The following MACROD2 variants were observed in gnomAD, a reference collection of about 807,000 sequenced individuals.
MACROD2 encodes the protein ADP-ribose glycohydrolase MACROD2.
MACROD2 carries 36 observed loss-of-function variants against 70.4 expected under a neutral mutation model. The ratio of observed to expected loss-of-function variants is 0.51; its 90% confidence interval spans 0.39 to 0.68. MACROD2 has a LOEUF of 0.68. Among genes scored for constraint, MACROD2 ranks in the 30% least tolerant of loss-of-function variants. The pLI, the probability that MACROD2 is intolerant of heterozygous loss-of-function variation, is 0.00. For synonymous variants in MACROD2, 172 were observed against 178.8 expected (o/e 0.96, Z 0.30); for missense variants, 496 against 538.4 (o/e 0.92, Z 0.78).
At chr20:15,779,791 C>T (rs6135510) in intron 8 of MACROD2, among the ~76,000 whole-genome samples, 5,787 of 152,114 alleles carry the variant, frequency 0.038, 363 homozygotes, top group East Asian at 0.29. Context: ...TTGTAGAAAA[C>T]ACAACCAAGA....
intron 3 of MACROD2, among the ~76,000 whole-genome samples, chr20:14,422,593 T>C (rs1440345989): frequency 6.6e-6 from 1 of 152,172 alleles, no homozygotes; most frequent in Admixed American, 6.5e-5. Context: ...TTTTTGTGGT[T>C]ACTCTCAGGG....
chr20:14,738,028 A>G (rs2071688325), intron 5 of MACROD2, among the ~76,000 whole-genome samples: 1 of 151,126 alleles, frequency 6.6e-6, no homozygotes, highest in Non-Finnish European at 1.5e-5. Flanking sequence ...AATAGTTGCT[A>G]TATACATATT....
chr20:15,598,637 G>T (rs2078388342), intron 8 of MACROD2, among the ~76,000 whole-genome samples: 2 of 152,202 alleles, frequency 1.3e-5, no homozygotes, highest in African/African-American at 4.8e-5. Context: ...AGGAGAATAG[G>T]GTTGGGTCAG....
intron 13 of MACROD2, among the ~76,000 whole-genome samples, chr20:15,970,449 A>G (rs935135297): frequency 6.6e-6 from 1 of 152,132 alleles, no homozygotes; most frequent in Admixed American, 6.5e-5. Flanking sequence ...TTCCATTAAG[A>G]TGAAGAGTAA....
At chr20:14,119,158 G>GTT (rs1569166583) in intron 3 of MACROD2, among the ~76,000 whole-genome samples, 1 of 80,766 alleles carries the variant, frequency 1.2e-5, no homozygotes, top group Non-Finnish European at 2.6e-5. Flanking sequence ...AAATGACTGT[G>GTT]ATTTTTTTTT....
rs563982614 is a variant in MACROD2 at position 14,975,060 on chromosome 20, G to A, written c.419-254880G>A. Among the ~76,000 whole-genome samples the A allele has an allele frequency of 7.9e-5, 12 of 152,000 alleles. No homozygotes were observed. In the South Asian group the frequency reaches 1.0e-3, roughly 13 times the overall value. On this transcript the variant is annotated intron_variant, in intron 5 of 17. Coordinates refer to ENST00000684519, the MANE Select transcript of MACROD2 (RefSeq NM_001351661.2). ...ATACATTGTAGGATGCTTATTTAGGGGCATCCTTGGCCTCTACACACTAGA... is the reference window on the plus strand; with the variant it reads ...ATACATTGTAGGATGCTTATTTAGGAGCATCCTTGGCCTCTACACACTAGA...
At chr20:15,663,943 T>A (rs895161000) in intron 8 of MACROD2, among the ~76,000 whole-genome samples, 1 of 152,206 alleles carries the variant, frequency 6.6e-6, no homozygotes, top group Non-Finnish European at 1.5e-5. Context: ...TGTATAATGA[T>A]AGCTCCACAG....
intron 3 of MACROD2, among the ~76,000 whole-genome samples, chr20:14,205,108 A>G (rs934238652): frequency 2.6e-5 from 4 of 152,208 alleles, no homozygotes; most frequent in African/African-American, 9.6e-5. Context: ...CTGGAACAGG[A>G]ACCCTGATTG....
chr20:14,009,271 C>G (rs536370871), intron 2 of MACROD2, among the ~76,000 whole-genome samples: 1 of 152,024 alleles, frequency 6.6e-6, no homozygotes, highest in Non-Finnish European at 1.5e-5. Flanking sequence ...AAGAAAAAAC[C>G]AAACAACCCC....
At chr20:15,643,009 C>G (rs1265228397) in intron 8 of MACROD2, among the ~76,000 whole-genome samples, 1 of 152,170 alleles carries the variant, frequency 6.6e-6, no homozygotes, top group Non-Finnish European at 1.5e-5. Flanking sequence ...GAATATTTAT[C>G]CACTTTGCTT....
At chr20:14,383,227 A>G (rs751463750) in intron 3 of MACROD2, among the ~76,000 whole-genome samples, 2 of 152,192 alleles carry the variant, frequency 1.3e-5, no homozygotes. Context: ...TGCACTTGTC[A>G]TTTTATAGAA....
rs181166281 is a variant in MACROD2 at position 14,337,764 on chromosome 20, C to T, written c.272-155715C>T. 578 of 386,794 alleles carry T rather than the reference C, an allele frequency of 1.5e-3. 8 individuals are homozygous for T. The highest frequency in any genetic ancestry group is 8.5e-4 in the African/African-American group (41 of 48,438). The allele number at this position is 386,794 out of a possible 1,614,324, so 24.0% of individuals were successfully genotyped here. On this transcript the variant is annotated intron_variant, in intron 3 of 17. Coordinates refer to ENST00000684519, the MANE Select transcript of MACROD2 (RefSeq NM_001351661.2). ...TGAGCTTTGCAAACGCTAGAGGGGG[C>T]GAGAGCAGCCAAAATGAAGCATCAG...
chr20:14,392,184 T>C (rs941674151), intron 3 of MACROD2, among the ~76,000 whole-genome samples: 9 of 152,166 alleles, frequency 5.9e-5, no homozygotes, highest in African/African-American at 2.2e-4. Context: ...ATAATTGAAC[T>C]TGATATATTT....
At chr20:14,230,217 T>C (rs1437425588) in intron 3 of MACROD2, among the ~76,000 whole-genome samples, 1 of 152,140 alleles carries the variant, frequency 6.6e-6, no homozygotes, top group Non-Finnish European at 1.5e-5. Context: ...GGTTAACTTA[T>C]CCTTTCAATT....
chr20:14,293,714 G>A lies in MACROD2; in HGVS notation c.272-199765G>A, dbSNP rs62207587. On this transcript the variant is annotated intron_variant, in intron 3 of 17. Transcript: ENST00000684519. ...AGGTTTTTAAGGCAGCATTTTGGCA[G>A]ATGTGTGATAGTCCAGCAAAGAGAT... is the stretch of plus-strand genomic sequence containing the variant. Among the ~76,000 whole-genome samples the A allele has an allele frequency of 4.0e-5, 6 of 151,898 alleles. No individual in the cohort carries two copies. In the South Asian group the frequency reaches 6.2e-4, roughly 16 times the overall value.
At chr20:14,675,953 G>A (rs558475038) in intron 4 of MACROD2, among the ~76,000 whole-genome samples, 1 of 152,046 alleles carries the variant, frequency 6.6e-6, no homozygotes, top group East Asian at 1.9e-4. Context: ...AAAAGACAAA[G>A]GCATTACATA....
At chr20:15,079,109 T>C (rs1445243392) in intron 5 of MACROD2, among the ~76,000 whole-genome samples, 1 of 152,204 alleles carries the variant, frequency 6.6e-6, no homozygotes, top group Non-Finnish European at 1.5e-5. Context: ...TTGCAGACTA[T>C]TTTTCCTTCT....
chr20:14,017,351 A>G (rs1334613379), intron 2 of MACROD2, among the ~76,000 whole-genome samples: 1 of 152,030 alleles, frequency 6.6e-6, no homozygotes. Flanking sequence ...AAAACTTCCA[A>G]TATTATGTTG....
chr20:15,115,702 T>G (rs2075986839), intron 5 of MACROD2, among the ~76,000 whole-genome samples: 2 of 152,180 alleles, frequency 1.3e-5, no homozygotes, highest in South Asian at 4.1e-4. Context: ...TAATTTTAAT[T>G]TAAAGACCAC....
Sources: gnomAD v4.1 joint callset for allele counts (sites outside exome capture counted in the v4.1 genomes callset) on GRCh38, gnomAD v4.1.1 for gene constraint, MANE v1.5 for transcripts, NCBI Gene and HGNC (gene_info 2026-07-23, HGNC 2026-07-21) for gene names.